ADAMTS12: variants seen among roughly 807,000 people sequenced by gnomAD.
ADAMTS12 encodes A disintegrin and metalloproteinase with thrombospondin motifs 12.
ADAMTS12 carries 118 observed loss-of-function variants against 167.8 expected under a neutral mutation model. The observed-to-expected ratio is 0.70, with a 90% CI of 0.61 to 0.82. ADAMTS12 has a LOEUF of 0.82. Among genes scored for constraint, ADAMTS12 ranks in the 40% least tolerant of loss-of-function variants. The pLI is 0.00. For synonymous variants in ADAMTS12, 704 were observed against 716.9 expected (o/e 0.98, Z 0.29); for missense variants, 1,916 against 1,998.8 (o/e 0.96, Z 0.79).
chr5:33,808,484 A>AATGAATTGC (rs1317555760), intron 2 of ADAMTS12, among the ~76,000 whole-genome samples: 2 of 152,234 alleles, frequency 1.3e-5, no homozygotes, highest in Admixed American at 6.5e-5. Context: ...GTATTATAGG[A>AATGAATTGC]ATGAATTGCA....
chr5:33,764,582 A>C (rs1488617882), intron 2 of ADAMTS12, among the ~76,000 whole-genome samples: 1 of 152,200 alleles, frequency 6.6e-6, no homozygotes, highest in Non-Finnish European at 1.5e-5. Flanking sequence ...AACATAGTGG[A>C]AAAAGAATAA....
intron 1 of ADAMTS12, among the ~76,000 whole-genome samples, chr5:33,888,420 T>C (rs971701896): frequency 6.6e-6 from 1 of 152,260 alleles, no homozygotes; most frequent in Non-Finnish European, 1.5e-5. Context: ...TCATAAACTT[T>C]ATGATAACTA....
At chr5:33,835,906 C>CT (rs1748487733) in intron 2 of ADAMTS12, among the ~76,000 whole-genome samples, 1 of 113,298 alleles carries the variant, frequency 8.8e-6, no homozygotes, top group African/African-American at 4.4e-5. Context: ...GGATAATATC[C>CT]ATCTCTCTCT....
chr5:33,797,729 T>TA (rs1400568003), intron 2 of ADAMTS12, among the ~76,000 whole-genome samples: 1 of 152,218 alleles, frequency 6.6e-6, no homozygotes, highest in Non-Finnish European at 1.5e-5. Flanking sequence ...TCTAGCACAA[T>TA]AAATACTGAT....
chr5:33,708,305 C>T (rs189107687), intron 3 of ADAMTS12, among the ~76,000 whole-genome samples: 142 of 152,034 alleles, frequency 9.3e-4, no homozygotes, highest in African/African-American at 3.1e-3. Context: ...CAACAGACAC[C>T]GGAGAGAATG....
chr5:33,647,575 A>G (rs975534745), intron 9 of ADAMTS12, among the ~76,000 whole-genome samples: 2 of 152,170 alleles, frequency 1.3e-5, no homozygotes, highest in African/African-American at 4.8e-5. Flanking sequence ...TACTGAAAAT[A>G]CAAAAATTAG....
chr5:33,743,301 C>T (rs556699512), intron 3 of ADAMTS12, among the ~76,000 whole-genome samples: 9 of 152,280 alleles, frequency 5.9e-5, no homozygotes, highest in Middle Eastern at 6.8e-3. Flanking sequence ...CAGCACTATT[C>T]GAAATGAGAC....
chr5:33,870,159 G>A (rs955339019), intron 2 of ADAMTS12, among the ~76,000 whole-genome samples: 1 of 152,106 alleles, frequency 6.6e-6, no homozygotes, highest in African/African-American at 2.4e-5. Context: ...AAGGTGCCCA[G>A]ATTTCATATT....
At chr5:33,682,435 G>A (rs369821083) in intron 5 of ADAMTS12, among the ~76,000 whole-genome samples, 5 of 152,156 alleles carry the variant, frequency 3.3e-5, no homozygotes, top group African/African-American at 7.2e-5. Flanking sequence ...TAGGCTGGAC[G>A]TATCAATTGA....
chr5:33,649,722 G>C, intron 7 of ADAMTS12, 25 bp from the exon 8 acceptor site: 1 of 1,611,530 alleles, frequency 6.2e-7, no homozygotes, highest in African/African-American at 1.3e-5. Context: ...CCAAGCACAA[G>C]AAGAGCCAGC....
chr5:33,665,804 C>T (rs1741444390), intron 5 of ADAMTS12, among the ~76,000 whole-genome samples: 1 of 152,158 alleles, frequency 6.6e-6, no homozygotes, highest in African/African-American at 2.4e-5. Flanking sequence ...AATATATCTG[C>T]CTTCCCACCA....
rs578175912 is a variant in ADAMTS12 at position 33,761,686 on chromosome 5, C to T, written c.490-10138G>A. On this transcript the variant is annotated intron_variant, in intron 2 of 23. Transcript: ENST00000504830. ...ACCCGCTGTCTCCATTTTCTACGGCCGACTAATGTCATAATTATAGCAAAA... is the reference window on the plus strand; with the variant it reads ...ACCCGCTGTCTCCATTTTCTACGGCTGACTAATGTCATAATTATAGCAAAA... Among the ~76,000 whole-genome samples, 31 of 152,186 alleles carry T rather than the reference C, an allele frequency of 2.0e-4. No homozygotes were observed. The South Asian group carries it at 4.4e-3, about 21-fold the overall frequency.
chr5:33,854,070 G>T lies in ADAMTS12; in HGVS notation c.489+27049C>A, dbSNP rs117729479. Among the ~76,000 whole-genome samples the T allele has an allele frequency of 7.9e-4, 121 of 152,264 alleles. 1 individual carries two copies. In the East Asian group the frequency reaches 0.022, roughly 27 times the overall value. ...GCAAAATATGTCAAGCCTCCACATG[G>T]GTTGTCTGGTTAAAAATAAATCAGT... is the stretch of plus-strand genomic sequence containing the variant. On this transcript the variant is annotated intron_variant, in intron 2 of 23. Coordinates refer to ENST00000504830, the MANE Select transcript of ADAMTS12 (RefSeq NM_030955.4).
chr5:33,791,820 T>G (rs923294443), intron 2 of ADAMTS12, among the ~76,000 whole-genome samples: 1 of 150,948 alleles, frequency 6.6e-6, no homozygotes, highest in Non-Finnish European at 1.5e-5. Context: ...TGTCATTTGA[T>G]ATAAAGGAAG....
intron 3 of ADAMTS12, among the ~76,000 whole-genome samples, chr5:33,709,902 G>A (rs1295931270): frequency 1.3e-5 from 2 of 152,012 alleles, no homozygotes; most frequent in Non-Finnish European, 2.9e-5. Context: ...AATCTACCAT[G>A]AAAATAACAT....
chr5:33,573,490 G>A (rs1036597365), intron 19 of ADAMTS12, among the ~76,000 whole-genome samples: 4 of 151,230 alleles, frequency 2.6e-5, no homozygotes, highest in African/African-American at 9.7e-5. Context: ...AGAAAAACAA[G>A]CAGGAAAGGA....
intron 3 of ADAMTS12, among the ~76,000 whole-genome samples, chr5:33,703,333 AC>A (rs1172559102): frequency 6.6e-6 from 1 of 152,244 alleles, no homozygotes; most frequent in Non-Finnish European, 1.5e-5. Context: ...ATACCATCAA[AC>A]CATCATCACT....
intron 5 of ADAMTS12, among the ~76,000 whole-genome samples, chr5:33,663,559 A>G (rs1249051034): frequency 6.6e-6 from 1 of 152,218 alleles, no homozygotes; most frequent in Non-Finnish European, 1.5e-5. Flanking sequence ...TATTATTTGT[A>G]AAGAAGGCAT....
chr5:33,658,653 T>G (rs1384677988), intron 6 of ADAMTS12, among the ~76,000 whole-genome samples: 1 of 152,222 alleles, frequency 6.6e-6, no homozygotes, highest in Non-Finnish European at 1.5e-5. Flanking sequence ...AAACTCAAGT[T>G]AATTTGAAGT....
Sources: allele counts gnomAD v4.1 joint callset (sites outside exome capture counted in the v4.1 genomes callset), GRCh38; gene constraint gnomAD v4.1.1; transcripts MANE v1.5; gene names NCBI Gene and HGNC (gene_info 2026-07-23, HGNC 2026-07-21).